ZNF221: variants seen among roughly 807,000 people sequenced by gnomAD.
The protein encoded by ZNF221 is zinc finger protein 221.
In ZNF221, 10 loss-of-function variants were observed where a neutral mutation model predicts 12.6. The ratio of observed to expected loss-of-function variants is 0.79; its 90% CI spans 0.49 to 1.34. ZNF221 has a LOEUF of 1.34. ZNF221 is among the 40% of genes most tolerant of loss of function. ZNF221 has a pLI of 0.00. For synonymous variants in ZNF221, 232 were observed against 244.0 expected (o/e 0.95, Z 0.46); for missense variants, 661 against 721.4 (o/e 0.92, Z 0.96).
the ZNF221 span, among the ~76,000 whole-genome samples, chr19:43,975,553 G>C: frequency 6.6e-6 from 1 of 152,116 alleles, no homozygotes; most frequent in African/African-American, 2.4e-5. Flanking sequence ...GTGGAGGGAG[G>C]GAGAGCATCA....
intron 1 of ZNF221, among the ~76,000 whole-genome samples, chr19:43,961,120 G>A (rs1194474110): frequency 1.3e-5 from 2 of 152,166 alleles, no homozygotes; most frequent in Admixed American, 1.3e-4. Flanking sequence ...AGCTTTAAGA[G>A]CCCTGGCTGG....
chr19:43,966,892 G>T lies in ZNF221; in HGVS notation c.1390G>T (p.Asp464Tyr). The change falls in exon 5 of 5, where the codon GAT becomes TAT. Residue 464 changes from aspartate (D) to tyrosine (Y), a missense_variant. Physicochemically the swap from Asp to Tyr is radical, Grantham distance 160. Coordinates refer to ENST00000587682, the MANE Select transcript of ZNF221 (RefSeq NM_001297588.2). ...ECGKDYKRRL[D>Y]LEFHQRVHTG... ...TGGTAAGGACTATAAAAGGAGGTTGGATCTTGAGTTTCACCAGAGGGTCCA... is the reference window on the plus strand; with the variant it reads ...TGGTAAGGACTATAAAAGGAGGTTGTATCTTGAGTTTCACCAGAGGGTCCA... 1 of 1,614,172 alleles carries T rather than the reference G, an allele frequency of 6.2e-7. No individual in the cohort carries two copies. The highest frequency in any genetic ancestry group is 8.5e-7 in the Non-Finnish European group (1 of 1,180,048).
At chr19:43,965,212 C>CATGTCACT in intron 3 of ZNF221, 21 bp from the exon 4 acceptor site, 1 of 1,602,122 alleles carries the variant, frequency 6.2e-7, no homozygotes, top group Non-Finnish European at 8.5e-7. Context: ...TGGAATTAAG[C>CATGTCACT]ATGTCACTGT....
downstream of ZNF221, among the ~76,000 whole-genome samples, chr19:43,971,605 A>G (rs1975097449): frequency 6.6e-6 from 1 of 151,132 alleles, no homozygotes; most frequent in Admixed American, 6.7e-5. Flanking sequence ...AGGAGTCACA[A>G]TCCTAGTTTT....
chr19:43,951,422 G>A (rs1025457744), intron 1 of ZNF221, 22 bp downstream of exon 1: 1 of 152,280 alleles, frequency 6.6e-6, no homozygotes, highest in Non-Finnish European at 1.5e-5. Context: ...TGAGGGCGGC[G>A]GTTTGCGATC....
downstream of ZNF221, among the ~76,000 whole-genome samples, chr19:43,968,778 G>A (rs974081262): frequency 1.3e-5 from 2 of 152,184 alleles, no homozygotes. Context: ...GTGGCATGGA[G>A]CCAAAGGAAA....
At chr19:43,968,549 T>G (rs77011557), downstream of ZNF221, among the ~76,000 whole-genome samples, 2 of 152,270 alleles carry the variant, frequency 1.3e-5, no homozygotes, top group Non-Finnish European at 2.9e-5. Flanking sequence ...GGAGAAAACA[T>G]ATTTCAAAAT....
the ZNF221 span, among the ~76,000 whole-genome samples, chr19:43,978,933 G>GTTT: frequency 1.4e-5 from 2 of 141,938 alleles, no homozygotes; most frequent in African/African-American, 5.3e-5. Context: ...GTGTGTGTGT[G>GTTT]TTTTTTTTTT....
At chr19:43,957,834 T>G (rs907045917) in intron 1 of ZNF221, among the ~76,000 whole-genome samples, 1 of 152,244 alleles carries the variant, frequency 6.6e-6, no homozygotes, top group Non-Finnish European at 1.5e-5. Flanking sequence ...AAATCAATAC[T>G]GAGCCACAAA....
the ZNF221 span, among the ~76,000 whole-genome samples, chr19:43,980,174 A>C: frequency 3.9e-5 from 6 of 152,358 alleles, no homozygotes; most frequent in Non-Finnish European, 8.8e-5. Context: ...ATGGCTTCTT[A>C]ACCTTGTGTT....
the ZNF221 span, among the ~76,000 whole-genome samples, chr19:43,975,170 A>G: frequency 1.3e-5 from 2 of 152,182 alleles, no homozygotes; most frequent in Non-Finnish European, 2.9e-5. Context: ...CAGAAATACC[A>G]TTTCACCTAG....
At chr19:43,974,208 A>G in the ZNF221 span, among the ~76,000 whole-genome samples, 351 of 136,278 alleles carry the variant, frequency 2.6e-3, no homozygotes, top group African/African-American at 9.2e-3. Context: ...TGCACAGAAA[A>G]TTGAAACTGG....
chr19:43,977,424 A>T, the ZNF221 span: 2 of 152,204 alleles, frequency 1.3e-5, no homozygotes, highest in Non-Finnish European at 2.9e-5. Flanking sequence ...ATTTCAAAAT[A>T]AAAAAATGTA....
intron 1 of ZNF221, among the ~76,000 whole-genome samples, chr19:43,953,120 CCCCAT>C (rs1974700744): frequency 6.6e-6 from 1 of 151,992 alleles, no homozygotes; most frequent in African/African-American, 2.4e-5. Flanking sequence ...GCACACACCA[CCCCAT>C]CTTTTAGTAA....
In ZNF221 at chr19:43,965,892, A is replaced by C. The variant is rs151193849; in HGVS notation, c.390A>C (p.Ala130=). Residue 130 remains alanine (A), a synonymous_variant, in exon 5 of 5, where the codon GCA becomes GCC. Transcript: ENST00000587682. ...WSCQQIWEQI[A]SDLTRSQNSI... is the part of the protein sequence containing the mutation. ...GTCAGCAAATATGGGAACAAATTGC[A>C]AGTGACCTAACCAGGTCTCAAAACT... 1,743 of 1,614,180 alleles carry C rather than the reference A, an allele frequency of 1.1e-3. 22 individuals carry two copies. Among genetic ancestry groups the C allele is most frequent in the Non-Finnish European group, 1.1e-4 (127 of 1,180,014 alleles).
intron 1 of ZNF221, among the ~76,000 whole-genome samples, chr19:43,960,522 A>G (rs1036726170): frequency 6.6e-6 from 1 of 152,240 alleles, no homozygotes. Context: ...ACAATGGGAA[A>G]AAGACCTGGA....
intron 2 of ZNF221, among the ~76,000 whole-genome samples, chr19:43,964,476 G>T (rs139540846): frequency 0.013 from 1,935 of 152,256 alleles, 50 homozygotes; most frequent in African/African-American, 0.045. Flanking sequence ...TCCCACACAG[G>T]TCACCATATA....
intron 1 of ZNF221, among the ~76,000 whole-genome samples, chr19:43,955,126 A>T (rs414122): frequency 0.95 from 142,985 of 151,220 alleles, 68,065 homozygotes; most frequent in East Asian, 1. Flanking sequence ...TTTTTTTTAA[A>T]AACACTCTGA....
At chr19:43,951,579 C>T (rs1974670886) in intron 1 of ZNF221, among the ~76,000 whole-genome samples, 179 bp downstream of exon 1, 1 of 152,150 alleles carries the variant, frequency 6.6e-6, no homozygotes, top group South Asian at 2.1e-4. Context: ...CCGATTCCCC[C>T]GGTACAACGT....
Sources: gnomAD v4.1 joint callset for allele counts (sites outside exome capture counted in the v4.1 genomes callset) on GRCh38, gnomAD v4.1.1 for gene constraint, MANE v1.5 for transcripts, NCBI Gene and HGNC (gene_info 2026-07-23, HGNC 2026-07-21) for gene names.